The following AUTS2 variants were observed in gnomAD, a reference collection of about 807,000 sequenced individuals.
The protein encoded by AUTS2 is autism susceptibility gene 2 protein.
Under a neutral mutation model 112.4 loss-of-function variants are expected in AUTS2, and 17 were observed. The ratio of observed to expected loss-of-function variants is 0.15; its 90% CI spans 0.10 to 0.23. The LOEUF is 0.23. Ranked by LOEUF, AUTS2 falls within the 10% of genes least tolerant of loss-of-function variation. The pLI is 1.00. For synonymous variants in AUTS2, 751 were observed against 702.7 expected, an observed-to-expected ratio of 1.07 and a Z score of -1.09; for missense variants, 1,510 against 1,701.6, an observed-to-expected ratio of 0.89 and a Z score of 1.98.
intron 6 of AUTS2, among the ~76,000 whole-genome samples, chr7:70,728,569 A>C (rs542221716): frequency 2.6e-5 from 4 of 152,206 alleles, no homozygotes; most frequent in African/African-American, 9.6e-5. Flanking sequence ...TCAGCTGGGC[A>C]TGGTGGCGGG....
chr7:70,156,939 T>C (rs1432933878), intron 4 of AUTS2, among the ~76,000 whole-genome samples: 1 of 109,452 alleles, frequency 9.1e-6, no homozygotes. Context: ...TAGCTGGGCG[T>C]GGTGGCAGGC....
At chr7:70,243,904 G>A (rs1026829984) in intron 4 of AUTS2, among the ~76,000 whole-genome samples, 1 of 151,760 alleles carries the variant, frequency 6.6e-6, no homozygotes, top group African/African-American at 2.4e-5. Flanking sequence ...GTAATAGTAA[G>A]AGTATGGGAG....
intron 2 of AUTS2, among the ~76,000 whole-genome samples, chr7:70,053,556 T>TTTTTTTTTTTTTTTG: frequency 1.3e-5 from 2 of 150,660 alleles, no homozygotes; most frequent in African/African-American, 4.9e-5. Flanking sequence ...TTTTTTTTTT[T>TTTTTTTTTTTTTTTG]GGAGACAGGA....
At chr7:70,256,238 G>T (rs1562826140) in intron 4 of AUTS2, among the ~76,000 whole-genome samples, 1 of 152,198 alleles carries the variant, frequency 6.6e-6, no homozygotes, top group African/African-American at 2.4e-5. Flanking sequence ...TTTGGATTTT[G>T]AAGAGAGTAT....
At chr7:70,747,283 G>A (rs975855093) in intron 6 of AUTS2, among the ~76,000 whole-genome samples, 1 of 152,230 alleles carries the variant, frequency 6.6e-6, no homozygotes, top group East Asian at 1.9e-4. Flanking sequence ...GCATCAACTT[G>A]GTTGTCTGAG....
At chr7:70,637,502 T>C (rs1356859997) in intron 5 of AUTS2, among the ~76,000 whole-genome samples, 1 of 152,246 alleles carries the variant, frequency 6.6e-6, no homozygotes, top group Non-Finnish European at 1.5e-5. Context: ...AGTTTTAAAA[T>C]AGCATTCACT....
At chr7:70,428,233 G>A (rs1438879934) in intron 4 of AUTS2, among the ~76,000 whole-genome samples, 1 of 152,136 alleles carries the variant, frequency 6.6e-6, no homozygotes, top group Admixed American at 6.5e-5. Flanking sequence ...AAACCAATAT[G>A]AGAGCAATGT....
chr7:70,145,991 G>C (rs1043310353), intron 4 of AUTS2, among the ~76,000 whole-genome samples: 1 of 152,040 alleles, frequency 6.6e-6, no homozygotes, highest in Non-Finnish European at 1.5e-5. Context: ...ACTCACTTTA[G>C]TCTAAAATCA....
rs529569482 is a variant in AUTS2 at position 70,416,260 on chromosome 7, C to T, written c.661-19492C>T. On this transcript the variant is annotated intron_variant, in intron 4 of 18. Coordinates refer to ENST00000342771, the MANE Select transcript of AUTS2 (RefSeq NM_015570.4). ...CTTCAATAGTCTATGCCTTCAATAG[C>T]ATAACTACAACAACCCATCACACTT... is the stretch of plus-strand genomic sequence containing the variant. 3.5e-4 allele frequency among the ~76,000 whole-genome samples: 53 copies of T among 152,310 alleles called. 2 individuals carry two copies. The South Asian group carries it at 4.1e-3, about 12-fold the overall frequency.
chr7:69,982,575 G>C (rs1798340748), intron 2 of AUTS2, among the ~76,000 whole-genome samples: 1 of 152,180 alleles, frequency 6.6e-6, no homozygotes, highest in South Asian at 2.1e-4. Context: ...CCTGCTAGTG[G>C]GAGTCATCAC....
Position 70,790,067 on chromosome 7 carries a change from A to T in AUTS2, c.2851A>T (p.Ser951Cys). ...CTACGTGCGGACCCCGGTGGTGGAG[A>T]GTGCCAGGCCCAACAGCACCTCGAG... Reference protein sequence around the residue: ...SPYVRTPVVESARPNSTSSRE... With the variant: ...SPYVRTPVVECARPNSTSSRE... Residue 951 changes from serine (S) to cysteine (C), a missense_variant, in exon 19 of 19, where the codon AGT (serine) becomes TGT (cysteine). This residue lies in a region of AUTS2 where 788 missense variants were observed against 797.6 expected (regional missense o/e 0.99). Coordinates refer to ENST00000342771, the MANE Select transcript of AUTS2 (RefSeq NM_015570.4). This position sits in a 1 kb window ranked among gnomAD's most constrained non-coding sequence, Gnocchi z 7.6. The T allele has an allele frequency of 6.3e-7, 1 of 1,577,438 alleles. No individual in the cohort carries two copies. The highest frequency in any genetic ancestry group is 8.6e-7 in the Non-Finnish European group (1 of 1,163,612).
chr7:70,416,827 C>T (rs1369154616), intron 4 of AUTS2, among the ~76,000 whole-genome samples: 2 of 152,126 alleles, frequency 1.3e-5, no homozygotes, highest in African/African-American at 4.8e-5. Context: ...CCTCCTGCAC[C>T]CCTGCTCCCC....
chr7:70,598,954 C>T (rs1378376618), intron 5 of AUTS2, among the ~76,000 whole-genome samples: 1 of 152,202 alleles, frequency 6.6e-6, no homozygotes, highest in Non-Finnish European at 1.5e-5. Flanking sequence ...GGAAACAAGA[C>T]ATGAACAGGC....
chr7:69,899,554 C>G, intron 2 of AUTS2, 56 bp downstream of exon 2: 1 of 1,537,448 alleles, frequency 6.5e-7, no homozygotes, highest in Admixed American at 1.7e-5. Context: ...TCCTTAGGTG[C>G]TTCCTCCACT....
intron 1 of AUTS2, among the ~76,000 whole-genome samples, chr7:69,646,496 T>C (rs1795027291): frequency 1.3e-5 from 2 of 152,346 alleles, no homozygotes; most frequent in South Asian, 4.1e-4. Context: ...GGTTGGATAG[T>C]GGAATCAGAT....
intron 4 of AUTS2, among the ~76,000 whole-genome samples, chr7:70,187,775 CTTTTTTTTTTTTT>C (rs71077627): frequency 9.1e-6 from 1 of 110,308 alleles, no homozygotes; most frequent in African/African-American, 3.5e-5. Flanking sequence ...AACTAGTCTT[CTTTTTTTTTTTTT>C]TTTTTTTTGA....
intron 5 of AUTS2, among the ~76,000 whole-genome samples, chr7:70,615,142 G>A (rs1804290503): frequency 6.6e-6 from 1 of 152,192 alleles, no homozygotes; most frequent in African/African-American, 2.4e-5. Context: ...CTCTAGGTCG[G>A]TGACATCAGG....
intron 1 of AUTS2, among the ~76,000 whole-genome samples, chr7:69,639,550 C>T (rs982052176): frequency 6.6e-6 from 1 of 152,228 alleles, no homozygotes; most frequent in African/African-American, 2.4e-5. Context: ...GCCTGCTCTG[C>T]TGTGTCTTTT....
At chr7:69,869,066 G>A (rs1345576361) in intron 1 of AUTS2, among the ~76,000 whole-genome samples, 1 of 152,172 alleles carries the variant, frequency 6.6e-6, no homozygotes, top group Non-Finnish European at 1.5e-5. Context: ...GTTGACCTGT[G>A]AGTTTGAAGT....
Sources: allele counts gnomAD v4.1 joint callset (sites outside exome capture counted in the v4.1 genomes callset), GRCh38; gene constraint gnomAD v4.1.1; regional missense constraint gnomAD v4.1.1; non-coding constraint Gnocchi (gnomAD v3.1); transcripts MANE v1.5; gene names NCBI Gene and HGNC (gene_info 2026-07-23, HGNC 2026-07-21).